Variants in INPP5A observed in about 807,000 individuals in gnomAD.
The protein encoded by INPP5A is inositol polyphosphate-5-phosphatase A.
INPP5A carries 14 observed loss-of-function variants against 65.2 expected under a neutral mutation model. That is an observed-to-expected ratio of 0.21 (90% confidence interval 0.14 to 0.34). The LOEUF (loss-of-function observed/expected upper bound fraction) is 0.34. Among genes scored for constraint, INPP5A ranks in the 10% least tolerant of loss-of-function variants. The probability of loss-of-function intolerance (pLI) is 1.00; values close to 1 mark genes in which losing one functional copy is unlikely to be tolerated. For missense variants in INPP5A, 431 were observed against 545.6 expected (o/e 0.79, Z 2.09); for synonymous variants, 207 against 208.3 (o/e 0.99, Z 0.05).
In INPP5A at chr10:132,749,618, C is replaced by T. The variant is rs3829130; in HGVS notation, c.828+6C>T. On this transcript the variant is annotated splice_donor_region_variant and intron_variant, in intron 10 of 15. Coordinates refer to ENST00000368594, the MANE Select transcript of INPP5A (RefSeq NM_005539.5). The stretch of plus-strand genomic sequence containing the variant: ...AGTCGGACAACGACCGGAAGGTGAG[C>T]GGGGCCTGTGACTGGGCAGGTGACG... The T allele has an allele frequency of 0.21, 331,919 of 1,611,260 alleles. 35,872 individuals carry two copies. The highest frequency in any genetic ancestry group is 0.22 in the Non-Finnish European group (261,263 of 1,178,602).
At chr10:132,712,853 T>C (rs1012472059) in intron 8 of INPP5A, among the ~76,000 whole-genome samples, 3 of 150,140 alleles carry the variant, frequency 2.0e-5, no homozygotes, top group Non-Finnish European at 4.4e-5. Flanking sequence ...TAGGCTTGTG[T>C]GGGGGTACGT....
At position 132,783,107 on chromosome 10, in the gene INPP5A, ATGTCATAACCT is replaced by A. The variant is rs572758806; in HGVS notation, c.*1082_*1092del. ...CTCATTGCTCCGCTACAGACAACCCATGTCATAACCTTGTTGCAAATATTTTTCTCCTATAG... is the reference window on the plus strand; with the variant it reads ...CTCATTGCTCCGCTACAGACAACCCATGTTGCAAATATTTTTCTCCTATAG... On this transcript the variant is annotated 3_prime_UTR_variant, in exon 16 of 16. Coordinates refer to ENST00000368594, the MANE Select transcript of INPP5A (RefSeq NM_005539.5). The A allele has an allele frequency of 9.2e-5, 14 of 152,568 alleles. No homozygotes were observed. In the East Asian group the frequency reaches 2.3e-3, roughly 25 times the overall value. 9.5% of individuals were successfully genotyped at this position (152,568 alleles called of 1,614,324 possible). A position where few individuals can be genotyped will look rare whatever the true frequency, so the allele number is the denominator to read the frequency against.
At chr10:132,760,797 C>G (rs1242079266) in intron 11 of INPP5A, among the ~76,000 whole-genome samples, 1 of 152,190 alleles carries the variant, frequency 6.6e-6, no homozygotes, top group Non-Finnish European at 1.5e-5. Flanking sequence ...CTGGGCGGTC[C>G]TTTGTCCACT....
intron 9 of INPP5A, among the ~76,000 whole-genome samples, chr10:132,743,487 G>C (rs1053504885): frequency 6.6e-6 from 1 of 152,238 alleles, no homozygotes; most frequent in Non-Finnish European, 1.5e-5. Context: ...AGCCCCTTGC[G>C]CGAACCCTGG....
intron 1 of INPP5A, among the ~76,000 whole-genome samples, chr10:132,599,505 T>G (rs1193275506): frequency 1.3e-5 from 2 of 152,240 alleles, no homozygotes; most frequent in Admixed American, 1.3e-4. Context: ...TCTCGGCTGC[T>G]TTCATGGGCT....
chr10:132,714,029 G>A (rs1441097114), intron 8 of INPP5A, among the ~76,000 whole-genome samples: 3 of 152,166 alleles, frequency 2.0e-5, no homozygotes, highest in Admixed American at 2.0e-4. Context: ...GGCACCAAGC[G>A]TCTCGGGGAC....
At chr10:132,718,203 T>C (rs60202388) in intron 8 of INPP5A, among the ~76,000 whole-genome samples, 4,028 of 143,584 alleles carry the variant, frequency 0.028, 74 homozygotes, top group African/African-American at 0.1. Flanking sequence ...ACGGCTGTCT[T>C]CAGGGTTCTG....
intron 1 of INPP5A, among the ~76,000 whole-genome samples, chr10:132,597,649 G>A (rs1032757815): frequency 3.3e-5 from 5 of 152,216 alleles, no homozygotes; most frequent in East Asian, 1.9e-4. Flanking sequence ...TGCATTGCAC[G>A]TGTCTGCTTG....
At chr10:132,740,172 T>G (rs1261583378) in intron 9 of INPP5A, among the ~76,000 whole-genome samples, 7 of 152,256 alleles carry the variant, frequency 4.6e-5, no homozygotes, top group Non-Finnish European at 1.0e-4. Context: ...CAGGTGGATA[T>G]CCAGAGGACT....
rs776367024 is a variant in INPP5A, at chr10:132,659,256, G to A, written c.306+8751G>A. 1.4e-4 allele frequency among the ~76,000 whole-genome samples: 21 copies of A among 152,256 alleles called. No individual in the cohort carries two copies. The highest frequency in any genetic ancestry group is 2.5e-4 in the Non-Finnish European group (17 of 68,042). On this transcript the variant is annotated intron_variant, in intron 4 of 15. Transcript: ENST00000368594. This position sits in a 1 kb window ranked among gnomAD's most constrained non-coding sequence, Gnocchi z 5.5. ...GCAGGAAGTCCTGTCAGGAGCTGGA[G>A]CACTGAGAAAGGCACCTTGCTGAGA...
chr10:132,730,204 C>G (rs76961685), intron 9 of INPP5A, among the ~76,000 whole-genome samples: 1 of 152,250 alleles, frequency 6.6e-6, no homozygotes. Flanking sequence ...GCCCTCCCCA[C>G]CACCTCCTGG....
chr10:132,628,477 G>C lies in INPP5A; in HGVS notation c.118-17391G>C, dbSNP rs950405854. On this transcript the variant is annotated intron_variant, in intron 2 of 15. Transcript: ENST00000368594. ...TGCTCTGGTGGCGGGGGGGGGGGGGGGCGTGGCGTGGGGGACACGTAGAAG... is the reference window on the plus strand; with the variant it reads ...TGCTCTGGTGGCGGGGGGGGGGGGGCGCGTGGCGTGGGGGACACGTAGAAG... Among the ~76,000 whole-genome samples, 133 of 150,086 alleles carry C rather than the reference G, an allele frequency of 8.9e-4. 10 individuals carry two copies. Among genetic ancestry groups the C allele is most frequent in the Non-Finnish European group, 1.8e-3 (118 of 67,294 alleles).
At chr10:132,732,461 G>T (rs1460239611) in intron 9 of INPP5A, among the ~76,000 whole-genome samples, 2 of 152,220 alleles carry the variant, frequency 1.3e-5, no homozygotes, top group African/African-American at 2.4e-5. Context: ...GTTCTTGTAG[G>T]ACTGTTCAGT....
rs528508178 is a variant in INPP5A at position 132,678,662 on chromosome 10, A to G, written c.307-11730A>G. ...TGCCGTGACCTGGGCATTGTGGTGG[A>G]GGACTCAGAGGCGCCCAGGCCACAT... On this transcript the variant is annotated intron_variant, in intron 4 of 15. Transcript: ENST00000368594. This position sits in a 1 kb window ranked among gnomAD's most constrained non-coding sequence, Gnocchi z 4.1. 1.4e-3 allele frequency among the ~76,000 whole-genome samples: 209 copies of G among 152,238 alleles called. 1 individual carries two copies. The highest frequency in any genetic ancestry group is 4.8e-3 in the African/African-American group (200 of 41,550).
chr10:132,610,625 C>T (rs925798442), intron 2 of INPP5A, among the ~76,000 whole-genome samples: 4 of 152,238 alleles, frequency 2.6e-5, no homozygotes, highest in African/African-American at 7.2e-5. Context: ...CCAGGGTCTG[C>T]AGCCTATGCT....
At chr10:132,751,751 T>G (rs1365441133) in intron 11 of INPP5A, among the ~76,000 whole-genome samples, 25 of 86,630 alleles carry the variant, frequency 2.9e-4, no homozygotes, top group South Asian at 7.6e-4. Context: ...GGAGGTGTCT[T>G]CGTGGAGGCG....
chr10:132,771,807 A>G (rs61514185), intron 12 of INPP5A, among the ~76,000 whole-genome samples: 1 of 74,100 alleles, frequency 1.3e-5, no homozygotes, highest in South Asian at 5.0e-4. Context: ...ACGGAGGCCC[A>G]GGCAGCCGCC....
intron 4 of INPP5A, among the ~76,000 whole-genome samples, chr10:132,657,823 G>A (rs2072679712): frequency 6.6e-6 from 1 of 152,264 alleles, no homozygotes; most frequent in Non-Finnish European, 1.5e-5. Flanking sequence ...GGGGCTCGCT[G>A]CCTCCTCACC....
In INPP5A at chr10:132,705,166, C is replaced by T. The variant is rs1214592618; in HGVS notation, c.475-3147C>T. On this transcript the variant is annotated intron_variant, in intron 6 of 15. Transcript: ENST00000368594. This position sits in a 1 kb window ranked among gnomAD's most constrained non-coding sequence, Gnocchi z 4.9. ...GCACCCACTTCTCCCCACAGCTCAG[C>T]TTCCCACTGATGTGTTTCCATTGCA... Among the ~76,000 whole-genome samples, 2 of 152,230 alleles carry T rather than the reference C, an allele frequency of 1.3e-5. No individual in the cohort carries two copies. The highest frequency in any genetic ancestry group is 2.4e-5 in the African/African-American group (1 of 41,466).
Sources: gnomAD v4.1 joint callset for allele counts (sites outside exome capture counted in the v4.1 genomes callset) on GRCh38, gnomAD v4.1.1 for gene constraint, Gnocchi (gnomAD v3.1) non-coding constraint, MANE v1.5 for transcripts, NCBI Gene and HGNC (gene_info 2026-07-23, HGNC 2026-07-21) for gene names.